Variants in REV3L observed in about 807,000 individuals in gnomAD.
REV3L encodes the protein DNA polymerase zeta catalytic subunit.
Under a neutral mutation model 299.4 loss-of-function variants are expected in REV3L, and 69 were observed. The observed-to-expected ratio is 0.23, with a 90% CI of 0.19 to 0.28. The LOEUF (loss-of-function observed/expected upper bound fraction) is 0.28. Among genes scored for constraint, REV3L ranks in the 10% least tolerant of loss-of-function variants. The pLI is 1.00. For missense variants in REV3L, 3,128 were observed against 3,693.8 expected (o/e 0.85, Z 3.97); for synonymous variants, 1,238 against 1,271.4 (o/e 0.97, Z 0.56).
intron 1 of REV3L, chr6:111,431,204 A>G (rs1786882672): frequency 6.4e-7 from 1 of 1,565,752 alleles, no homozygotes; most frequent in Admixed American, 1.7e-5. Context: ...GTGATGGCAG[A>G]TAGTTTACTG....
rs1266732942 is a variant in REV3L, at chr6:111,357,131, A to T, written c.7073-6T>A. The T allele has an allele frequency of 7.5e-7, 1 of 1,330,620 alleles. No homozygotes were observed. Among genetic ancestry groups the T allele is most frequent in the Non-Finnish European group, 1.0e-6 (1 of 957,814 alleles). 82.4% of individuals were successfully genotyped at this position (1,330,620 alleles called of 1,614,324 possible). ...TGGAGTCTGATATCTGATATCTAAAAAACAAACAAAATGTCTATTATATAT... is the reference window on the plus strand; with the variant it reads ...TGGAGTCTGATATCTGATATCTAAATAACAAACAAAATGTCTATTATATAT... On this transcript the variant is annotated splice_polypyrimidine_tract_variant and splice_region_variant and intron_variant, in intron 17 of 31. Transcript: ENST00000368802.
intron 6 of REV3L, 26 bp downstream of exon 6, chr6:111,390,058 CAT>C (rs1339362867): frequency 6.8e-7 from 1 of 1,475,732 alleles, no homozygotes; most frequent in African/African-American, 1.4e-5. Context: ...AAAATAAAAA[CAT>C]ATATTAAGAA....
chr6:111,319,829 C>CA (rs1002971917), intron 26 of REV3L, among the ~76,000 whole-genome samples: 15 of 144,476 alleles, frequency 1.0e-4, no homozygotes, highest in Non-Finnish European at 2.1e-4. Context: ...TTGGGAACTC[C>CA]TTTTTTTTTT....
chr6:111,454,385 T>A (rs1219988222), intron 1 of REV3L, among the ~76,000 whole-genome samples: 5 of 152,108 alleles, frequency 3.3e-5, no homozygotes, highest in African/African-American at 4.8e-5. Flanking sequence ...TTTTTTTTTT[T>A]AAATGTGGTA....
At chr6:111,386,427 T>C (rs565282866) in intron 9 of REV3L, among the ~76,000 whole-genome samples, 11 of 152,212 alleles carry the variant, frequency 7.2e-5, no homozygotes, top group African/African-American at 2.6e-4. Flanking sequence ...GATGGCTACA[T>C]TAAAAAAAGA....
chr6:111,387,257 G>A (rs1004068345), intron 9 of REV3L, among the ~76,000 whole-genome samples: 41 of 152,210 alleles, frequency 2.7e-4, no homozygotes, highest in African/African-American at 9.9e-4. Context: ...GTGGTTACTT[G>A]GGGTTTGAGG....
At chr6:111,317,268 T>C (rs866472830) in intron 26 of REV3L, among the ~76,000 whole-genome samples, 2 of 152,148 alleles carry the variant, frequency 1.3e-5, no homozygotes, top group African/African-American at 4.8e-5. Flanking sequence ...CAGCCTAATA[T>C]GAAAAATTAA....
intron 2 of REV3L, among the ~76,000 whole-genome samples, chr6:111,411,786 C>T (rs1228329919): frequency 4.6e-5 from 7 of 152,060 alleles, no homozygotes; most frequent in Admixed American, 3.9e-4. Context: ...TCTTTAATTA[C>T]TGACGATGGG....
In REV3L at chr6:111,372,676, A is replaced by C. The variant is rs774807061; in HGVS notation, c.5679T>G (p.Thr1893=). The C allele has an allele frequency of 1.3e-6, 2 of 1,583,436 alleles. No homozygotes were observed. Among genetic ancestry groups the C allele is most frequent in the Non-Finnish European group, 1.7e-6 (2 of 1,166,420 alleles). ...TCTCAGACAGGTCATGATCCAACAA[A>C]GTTGCCATAATTTCTTCCCTACTTG... ...SPPSREEIMA[T]LLDHDLSETI... is the part of the protein sequence containing the mutation. Residue 1893 remains threonine (T), a synonymous_variant, in exon 13 of 32, where the codon ACT becomes ACG. Transcript: ENST00000368802.
intron 26 of REV3L, among the ~76,000 whole-genome samples, chr6:111,320,579 CAAGAACTTACTT>C (rs1031678608): frequency 2.2e-4 from 33 of 152,346 alleles, no homozygotes; most frequent in Middle Eastern, 6.8e-3. Context: ...TGTCCTCCTT[CAAGAACTTACTT>C]GTATTCTGCC....
intron 31 of REV3L, among the ~76,000 whole-genome samples, chr6:111,306,834 TTTC>T (rs1477498216): frequency 6.6e-6 from 1 of 152,254 alleles, no homozygotes; most frequent in Admixed American, 6.5e-5. Flanking sequence ...AGACTTTTCC[TTTC>T]TTCTTTTTAA....
At chr6:111,389,974 TCCA>T (rs1442946451) in intron 6 of REV3L, 109 bp downstream of exon 6, 2 of 636,996 alleles carry the variant, frequency 3.1e-6, no homozygotes, top group African/African-American at 3.7e-5. Flanking sequence ...GACCTCATGA[TCCA>T]CCCACCTTGG....
intron 31 of REV3L, among the ~76,000 whole-genome samples, chr6:111,305,001 C>T (rs540525520): frequency 5.3e-5 from 8 of 149,758 alleles, no homozygotes; most frequent in Non-Finnish European, 1.2e-4. Context: ...GAGTGCAATG[C>T]TGCAATCTCA....
In REV3L at chr6:111,376,312, A is replaced by G. The variant is rs748197163; in HGVS notation, c.2043T>C (p.Ile681=). Residue 681 remains isoleucine (I), a synonymous_variant, in exon 13 of 32, where the codon ATT becomes ATC. Transcript: ENST00000368802. ...AAGGGGAATCCTTTTCGATTTTTCT[A>G]ATGTTTGTATATTTTCTACTTGGTA... is the stretch of plus-strand genomic sequence containing the variant. ...RQVPSRKYTN[I]RKIEKDSPFI... is the part of the protein sequence containing the mutation. The G allele has an allele frequency of 1.9e-6, 3 of 1,613,410 alleles. No homozygotes were observed. Among genetic ancestry groups the G allele is most frequent in the South Asian group, 2.2e-5 (2 of 90,918 alleles).
intron 22 of REV3L, among the ~76,000 whole-genome samples, chr6:111,333,852 T>C (rs1775644959): frequency 6.6e-6 from 1 of 152,242 alleles, no homozygotes; most frequent in Admixed American, 6.5e-5. Flanking sequence ...CCTACGACTT[T>C]TATAAAAACT....
intron 1 of REV3L, among the ~76,000 whole-genome samples, chr6:111,452,871 AT>A (rs1210327648): frequency 6.6e-6 from 1 of 152,196 alleles, no homozygotes; most frequent in African/African-American, 2.4e-5. Context: ...ACTCACCAGA[AT>A]TTATCAACAC....
intron 1 of REV3L, among the ~76,000 whole-genome samples, chr6:111,422,649 C>CACATATATATATATACAT (rs1554228646): frequency 8.9e-5 from 2 of 22,502 alleles, no homozygotes; most frequent in Non-Finnish European, 2.1e-4. Context: ...TATATATATA[C>CACATATATATATATACAT]ATATATATAT....
Position 111,416,238 on chromosome 6 carries a change from T to G in REV3L, c.329+45A>C, listed in dbSNP as rs531935145. The stretch of plus-strand genomic sequence containing the variant: ...TGAGTATGTTTTCCTCTAAATAGAA[T>G]AGCAACATAAACAGAAATTATAAAA... On this transcript the variant is annotated intron_variant, in intron 2 of 31. Coordinates refer to ENST00000368802, the MANE Select transcript of REV3L (RefSeq NM_001372078.1). The G allele has an allele frequency of 1.2e-4, 157 of 1,325,134 alleles. No homozygotes were observed. The South Asian group carries it at 2.3e-3, about 19-fold the overall frequency. The allele number at this position is 1,325,134 out of a possible 1,614,324, so 82.1% of individuals were successfully genotyped here.
At chr6:111,448,248 G>A (rs1367766759) in intron 1 of REV3L, among the ~76,000 whole-genome samples, 1 of 152,118 alleles carries the variant, frequency 6.6e-6, no homozygotes, top group Non-Finnish European at 1.5e-5. Context: ...TGGAAGAGAA[G>A]TAAGACTTGT....
Sources: allele counts gnomAD v4.1 joint callset (sites outside exome capture counted in the v4.1 genomes callset), GRCh38; gene constraint gnomAD v4.1.1; transcripts MANE v1.5; gene names NCBI Gene and HGNC (gene_info 2026-07-23, HGNC 2026-07-21).